The following SYT1 variants were observed in gnomAD, a reference collection of about 807,000 sequenced individuals.
SYT1 encodes the protein synaptotagmin-1.
Under a neutral mutation model 44.8 loss-of-function variants are expected in SYT1, and 8 were observed. That is an observed-to-expected ratio of 0.18 (90% CI 0.10 to 0.32). The LOEUF is 0.32. SYT1 is among the 10% of genes least tolerant of loss of function. The pLI is 1.00. For missense variants in SYT1, 286 were observed against 509.3 expected (o/e 0.56, Z 4.22); for synonymous variants, 154 against 188.8 (o/e 0.82, Z 1.51).
At chr12:79,407,333 G>A (rs1320248841) in intron 9 of SYT1, among the ~76,000 whole-genome samples, 1 of 152,046 alleles carries the variant, frequency 6.6e-6, no homozygotes, top group East Asian at 1.9e-4. Flanking sequence ...TTCCAGTTTT[G>A]AGAAGAAAAG....
intron 8 of SYT1, among the ~76,000 whole-genome samples, chr12:79,322,320 C>T (rs1161560982): frequency 6.6e-6 from 1 of 152,012 alleles, no homozygotes; most frequent in Non-Finnish European, 1.5e-5. Flanking sequence ...TGGAAACTGC[C>T]GCTGGCCTCA....
chr12:79,372,219 A>G (rs1285016028), intron 9 of SYT1, among the ~76,000 whole-genome samples: 1 of 152,184 alleles, frequency 6.6e-6, no homozygotes, highest in Non-Finnish European at 1.5e-5. Flanking sequence ...ATCGCCTAGC[A>G]CATTGTAGGC....
intron 9 of SYT1, among the ~76,000 whole-genome samples, chr12:79,388,026 A>G (rs11114050): frequency 0.018 from 2,775 of 152,334 alleles, 136 homozygotes; most frequent in East Asian, 0.16. Flanking sequence ...TAGGTTATAT[A>G]TTTAATCCCA....
intron 3 of SYT1, chr12:79,102,885 C>T (rs993281818): frequency 6.6e-6 from 1 of 152,108 alleles, no homozygotes; most frequent in African/African-American, 2.4e-5. Context: ...ATGGACCCAA[C>T]TTTTTTCTCC....
At chr12:78,987,958 T>TG (rs2137469986) in intron 2 of SYT1, among the ~76,000 whole-genome samples, 1 of 152,218 alleles carries the variant, frequency 6.6e-6, no homozygotes, top group African/African-American at 2.4e-5. Context: ...TAAACCATCC[T>TG]GTCAGGTGAA....
chr12:79,143,195 T>C (rs1002494396), intron 3 of SYT1, among the ~76,000 whole-genome samples: 2 of 152,170 alleles, frequency 1.3e-5, no homozygotes, highest in Non-Finnish European at 2.9e-5. Flanking sequence ...ATTGTTACCA[T>C]AGGAACAATG....
rs1247048909 is a variant in SYT1 at position 79,229,547 on chromosome 12, T to C, written c.166+11862T>C. 2.0e-5 allele frequency among the ~76,000 whole-genome samples: 3 copies of C among 152,126 alleles called. No homozygotes were observed. The East Asian group carries it at 5.8e-4, about 29-fold the overall frequency. On this transcript the variant is annotated intron_variant, in intron 4 of 10. Coordinates refer to ENST00000261205, the MANE Select transcript of SYT1 (RefSeq NM_005639.3). Reference sequence around the variant, plus strand: ...TTTTAAGAGTTACCATTAAAAACAATCCTATGGCAGAAAGTTCACCTAAAG... The same window carrying C: ...TTTTAAGAGTTACCATTAAAAACAACCCTATGGCAGAAAGTTCACCTAAAG...
intron 3 of SYT1, among the ~76,000 whole-genome samples, chr12:79,133,293 A>G (rs1328087766): frequency 1.3e-5 from 2 of 152,092 alleles, no homozygotes; most frequent in South Asian, 2.1e-4. Context: ...CCGAGGTGGG[A>G]GAATCACTTA....
intron 1 of SYT1, among the ~76,000 whole-genome samples, chr12:78,931,573 A>G (rs1308013695): frequency 6.6e-6 from 1 of 152,202 alleles, no homozygotes; most frequent in Admixed American, 6.5e-5. Flanking sequence ...GAAATTGGTT[A>G]CTTAGAACTG....
chr12:79,065,498 T>G (rs1875776098), intron 3 of SYT1, among the ~76,000 whole-genome samples: 1 of 152,130 alleles, frequency 6.6e-6, no homozygotes, highest in Admixed American at 6.6e-5. Flanking sequence ...CATTTGAATA[T>G]CAAATAAAGC....
At chr12:79,331,566 G>T (rs1426473218) in intron 8 of SYT1, among the ~76,000 whole-genome samples, 1 of 151,978 alleles carries the variant, frequency 6.6e-6, no homozygotes, top group Non-Finnish European at 1.5e-5. Context: ...ATTTTGCCAA[G>T]AATTAATATG....
In SYT1 at chr12:78,966,033, C is replaced by T. The variant is rs146465155; in HGVS notation, c.-216-11766C>T. 4.3e-3 allele frequency among the ~76,000 whole-genome samples: 648 copies of T among 149,398 alleles called. 5 individuals carry two copies. The highest frequency in any genetic ancestry group is 0.015 in the African/African-American group (596 of 40,492). ...CAAAGATTGCAGTGAGATGAGACCA[C>T]GCCACTGCATTCTAGCTTGGGTGAT... On this transcript the variant is annotated intron_variant, in intron 1 of 10. Coordinates refer to ENST00000261205, the MANE Select transcript of SYT1 (RefSeq NM_005639.3).
chr12:79,051,230 G>A (rs1010810753), intron 3 of SYT1, among the ~76,000 whole-genome samples: 6 of 151,330 alleles, frequency 4.0e-5, no homozygotes, highest in Middle Eastern at 3.4e-3. Flanking sequence ...CTAATCTCTA[G>A]TAGTTTAAAA....
chr12:79,314,163 C>T (rs1263638833), intron 8 of SYT1, among the ~76,000 whole-genome samples: 4 of 112,304 alleles, frequency 3.6e-5, no homozygotes, highest in African/African-American at 1.2e-4. Context: ...AGCGAGACTC[C>T]GTCTCAAAAA....
At chr12:79,271,848 G>A (rs769791028) in intron 4 of SYT1, among the ~76,000 whole-genome samples, 2 of 152,156 alleles carry the variant, frequency 1.3e-5, no homozygotes, top group African/African-American at 2.4e-5. Context: ...TTAAGTCGGT[G>A]AGAAAAACAT....
intron 3 of SYT1, among the ~76,000 whole-genome samples, chr12:79,148,555 A>G (rs1470306711): frequency 6.6e-6 from 1 of 152,156 alleles, no homozygotes; most frequent in Non-Finnish European, 1.5e-5. Context: ...ACAAAAATAA[A>G]GAGTATTGTA....
At chr12:79,435,305 A>T (rs1031278076) in intron 9 of SYT1, among the ~76,000 whole-genome samples, 2 of 151,986 alleles carry the variant, frequency 1.3e-5, no homozygotes, top group Non-Finnish European at 1.5e-5. Flanking sequence ...AAAAAGATAA[A>T]ATTTCCTTTT....
At chr12:78,959,204 A>G (rs902664645) in intron 1 of SYT1, among the ~76,000 whole-genome samples, 3 of 151,768 alleles carry the variant, frequency 2.0e-5, no homozygotes, top group African/African-American at 7.2e-5. Context: ...CTAAAACCTT[A>G]AAAAAATACA....
intron 3 of SYT1, among the ~76,000 whole-genome samples, chr12:79,050,583 C>CAGAAG (rs1221058920): frequency 4.6e-5 from 7 of 152,012 alleles, no homozygotes; most frequent in Non-Finnish European, 2.9e-5. Flanking sequence ...AGAAACTCTT[C>CAGAAG]ATATTATCCT....
Sources: gnomAD v4.1 joint callset for allele counts (sites outside exome capture counted in the v4.1 genomes callset) on GRCh38, gnomAD v4.1.1 for gene constraint, MANE v1.5 for transcripts, NCBI Gene and HGNC (gene_info 2026-07-23, HGNC 2026-07-21) for gene names.